PALD1: variants seen among roughly 807,000 people sequenced by gnomAD.
PALD1 encodes paladin.
A neutral mutation model predicts 96.0 loss-of-function variants in PALD1; 57 were observed. The ratio of observed to expected loss-of-function variants is 0.59; its 90% CI spans 0.48 to 0.74. PALD1 has a LOEUF of 0.74. Among genes scored for constraint, PALD1 ranks in the 30% least tolerant of loss-of-function variants. The probability of loss-of-function intolerance (pLI) is 0.00; values close to 1 mark genes in which losing one functional copy is unlikely to be tolerated. For missense variants in PALD1, 1,063 were observed against 1,143.7 expected (o/e 0.93, Z 1.02); for synonymous variants, 464 against 473.6 (o/e 0.98, Z 0.26).
chr10:70,566,673 C>T lies in PALD1; in HGVS notation c.2511C>T (p.Arg837=). Residue 837 remains arginine (R), a synonymous_variant, in exon 20 of 20, where the codon CGC becomes CGT. Coordinates refer to ENST00000263563, the MANE Select transcript of PALD1 (RefSeq NM_014431.3). ...SGEDQPFSRL[R]YRWQEQSCSL... Reference sequence around the variant, plus strand: ...AGGACCAGCCCTTCTCCAGGCTGCGCTACCGGTGGCAGGAGCAGAGCTGCA... The same window carrying T: ...AGGACCAGCCCTTCTCCAGGCTGCGTTACCGGTGGCAGGAGCAGAGCTGCA... The T allele has an allele frequency of 6.2e-7, 1 of 1,609,324 alleles. No homozygotes were observed. Among genetic ancestry groups the T allele is most frequent in the Non-Finnish European group, 8.5e-7 (1 of 1,178,854 alleles).
chr10:70,537,997 C>T lies in PALD1; in HGVS notation c.1323+91C>T. The stretch of plus-strand genomic sequence containing the variant: ...GTGACTGGCTTGCTGTGGAGGGAGA[C>T]CCCCCAAGGAACCGGGGAGGGAAGG... On this transcript the variant is annotated intron_variant, in intron 11 of 19. Transcript: ENST00000263563. 3.0e-6 allele frequency: 3 copies of T among 997,476 alleles called. 1 individual carries two copies. The South Asian group carries it at 4.1e-5, about 14-fold the overall frequency. The allele number at this position is 997,476 out of a possible 1,614,324, so 61.8% of individuals were successfully genotyped here.
intron 1 of PALD1, among the ~76,000 whole-genome samples, 181 bp downstream of exon 1, chr10:70,479,240 G>A (rs1285057379): frequency 1.3e-5 from 2 of 152,228 alleles, no homozygotes; most frequent in African/African-American, 2.4e-5. Flanking sequence ...GACTCACAGG[G>A]AGCAGTTGCT....
chr10:70,477,661 T>C (rs1845847228), upstream of PALD1, among the ~76,000 whole-genome samples: 1 of 152,182 alleles, frequency 6.6e-6, no homozygotes, highest in Admixed American at 6.5e-5. Context: ...GTGATTTCTC[T>C]TGTCTTCAGT....
At chr10:70,486,068 G>T in intron 1 of PALD1, 1 of 224,440 alleles carries the variant, frequency 4.5e-6, no homozygotes, top group South Asian at 8.4e-5. Context: ...AAGTTATGCC[G>T]ATTGTTTAGG....
chr10:70,529,094 G>A, intron 2 of PALD1, 135 bp from the exon 3 acceptor site: 2 of 605,726 alleles, frequency 3.3e-6, no homozygotes, highest in Non-Finnish European at 3.0e-6. Flanking sequence ...GGATATTGAG[G>A]GACAATGGGC....
chr10:70,470,822 G>A, the PALD1 span, among the ~76,000 whole-genome samples: 7 of 149,616 alleles, frequency 4.7e-5, no homozygotes, highest in Admixed American at 2.0e-4. Context: ...ATTTTTTGAG[G>A]TGGAGTTTCA....
rs1451678310 is a variant in PALD1, at chr10:70,538,261, T to C, written c.1324-19T>C. 7 of 1,599,804 alleles carry C rather than the reference T, an allele frequency of 4.4e-6. No homozygotes were observed. In the Middle Eastern group the frequency reaches 5.4e-4, roughly 123 times the overall value. ...GCCCTGTGCCCCTGAATTCCTCGTCTCTCTGCCTCGGGCTGCAGTACCCGC... is the reference window on the plus strand; with the variant it reads ...GCCCTGTGCCCCTGAATTCCTCGTCCCTCTGCCTCGGGCTGCAGTACCCGC... On this transcript the variant is annotated intron_variant, in intron 11 of 19. Transcript: ENST00000263563.
At chr10:70,532,880 C>T in intron 6 of PALD1, 99 bp downstream of exon 6, 4 of 1,522,094 alleles carry the variant, frequency 2.6e-6, no homozygotes, top group Non-Finnish European at 3.6e-6. Flanking sequence ...GCGGAGTCCC[C>T]CACACCCATG....
At chr10:70,529,388 T>C in intron 3 of PALD1, 57 bp downstream of exon 3, 3 of 812,268 alleles carry the variant, frequency 3.7e-6, no homozygotes, top group Non-Finnish European at 6.3e-6. Flanking sequence ...CTATCTCTCA[T>C]GAATTCCCTC....
At chr10:70,508,836 G>T (rs996362949) in intron 1 of PALD1, among the ~76,000 whole-genome samples, 7 of 22,338 alleles carry the variant, frequency 3.1e-4, no homozygotes, top group Non-Finnish European at 6.1e-4. Context: ...TGTGGGAGCT[G>T]CGGAACCTGT....
chr10:70,470,011 C>T, the PALD1 span, among the ~76,000 whole-genome samples: 1 of 152,138 alleles, frequency 6.6e-6, no homozygotes, highest in Non-Finnish European at 1.5e-5. Flanking sequence ...CCAGGCTGGT[C>T]TCAAACTCCT....
chr10:70,541,558 T>C (rs1297014136), intron 17 of PALD1, 24 bp downstream of exon 17: 4 of 1,579,512 alleles, frequency 2.5e-6, no homozygotes, highest in Non-Finnish European at 3.5e-6. Context: ...GCGGGGTCCC[T>C]GAGGCACCTT....
chr10:70,526,848 C>T (rs1846880043), intron 2 of PALD1, among the ~76,000 whole-genome samples: 1 of 152,122 alleles, frequency 6.6e-6, no homozygotes, highest in African/African-American at 2.4e-5. Context: ...TCTGGGTCTT[C>T]CAGGATGCAG....
chr10:70,528,538 C>A (rs1358145209), intron 2 of PALD1, among the ~76,000 whole-genome samples: 1 of 152,194 alleles, frequency 6.6e-6, no homozygotes, highest in South Asian at 2.1e-4. Context: ...CTTCATGCCC[C>A]AAGCCTGCGT....
Position 70,532,714 on chromosome 10 carries a change from G to A in PALD1, c.727G>A (p.Gly243Ser), listed in dbSNP as rs773997401. 1.4e-5 allele frequency: 22 copies of A among 1,614,080 alleles called. No individual in the cohort carries two copies. The East Asian group carries it at 4.7e-4, about 34-fold the overall frequency. ...GGAGCCCCATGCTGTGGCCATCCATGGTGAGGACGACTTGCATGTGACGGA... is the reference window on the plus strand; with the variant it reads ...GGAGCCCCATGCTGTGGCCATCCATAGTGAGGACGACTTGCATGTGACGGA... ...WGEPHAVAIH[G>S]EDDLHVTEEV... The change falls in exon 6 of 20, where the codon GGT (glycine) becomes AGT (serine). Residue 243 changes from glycine (G) to serine (S), a missense_variant. By Grantham distance (56) the Gly-to-Ser change is moderately conservative. Coordinates refer to ENST00000263563, the MANE Select transcript of PALD1 (RefSeq NM_014431.3).
intron 1 of PALD1, among the ~76,000 whole-genome samples, chr10:70,495,269 A>T (rs2132278969): frequency 6.6e-6 from 1 of 152,342 alleles, no homozygotes; most frequent in Admixed American, 6.5e-5. Context: ...TCAGCCTCTC[A>T]GCCCCTGGTA....
the PALD1 span, among the ~76,000 whole-genome samples, chr10:70,461,212 G>C: frequency 1.6e-4 from 24 of 152,300 alleles, no homozygotes; most frequent in Non-Finnish European, 2.8e-4. Flanking sequence ...GTCTCCTCTG[G>C]CTGGAATGCC....
At chr10:70,519,843 G>T (rs1188317289) in intron 1 of PALD1, among the ~76,000 whole-genome samples, 1 of 152,136 alleles carries the variant, frequency 6.6e-6, no homozygotes, top group Non-Finnish European at 1.5e-5. Context: ...CCGAAGTGCT[G>T]GGATTATAGG....
chr10:70,506,917 C>T (rs1312791441), intron 1 of PALD1, among the ~76,000 whole-genome samples: 1 of 152,076 alleles, frequency 6.6e-6, no homozygotes, highest in East Asian at 1.9e-4. Context: ...CAAAGGTCAG[C>T]GCCTTCCACC....
Sources: gnomAD v4.1 joint callset for allele counts (sites outside exome capture counted in the v4.1 genomes callset) on GRCh38, gnomAD v4.1.1 for gene constraint, MANE v1.5 for transcripts, NCBI Gene and HGNC (gene_info 2026-07-23, HGNC 2026-07-21) for gene names.